The following DPF2 variants were observed in gnomAD, a reference collection of about 807,000 sequenced individuals.
DPF2 encodes zinc finger protein ubi-d4.
In DPF2, 10 loss-of-function variants were observed where a neutral mutation model predicts 59.6. The ratio of observed to expected loss-of-function variants is 0.17; its 90% CI spans 0.10 to 0.28. The LOEUF (loss-of-function observed/expected upper bound fraction) is 0.28, where lower values mean the gene tolerates loss of function less well. DPF2 is among the 10% of genes least tolerant of loss of function. The pLI is 1.00. For synonymous variants in DPF2, 189 were observed against 190.6 expected (o/e 0.99, Z 0.07); for missense variants, 315 against 509.4 (o/e 0.62, Z 3.67).
At position 65,340,840 on chromosome 11, in the gene DPF2, G is replaced by A. The variant is rs1371807327; in HGVS notation, c.194-126G>A. On this transcript the variant is annotated intron_variant, in intron 2 of 10. Coordinates refer to ENST00000528416, the MANE Select transcript of DPF2 (RefSeq NM_006268.5). Reference sequence around the variant, plus strand: ...CAGACTATTCCACCTAACCCCCTAGGCCCTCACTGTCAGAATTTCTCCCTT... The same window carrying A: ...CAGACTATTCCACCTAACCCCCTAGACCCTCACTGTCAGAATTTCTCCCTT... 17 of 972,782 alleles carry A rather than the reference G, an allele frequency of 1.7e-5. No homozygotes were observed. The East Asian group carries it at 1.8e-4, about 11-fold the overall frequency. 60.3% of individuals were successfully genotyped at this position (972,782 alleles called of 1,614,324 possible). A position where few individuals can be genotyped will look rare whatever the true frequency, so the allele number is the denominator to read the frequency against.
chr11:65,341,163 C>T (rs1854358885), intron 3 of DPF2, 90 bp downstream of exon 3: 1 of 1,382,354 alleles, frequency 7.2e-7, no homozygotes, highest in Non-Finnish European at 1.0e-6. Flanking sequence ...AGTACTAGAT[C>T]CCAAATATAC....
At chr11:65,337,502 TATAGAGAG>T (rs1164592173) in intron 1 of DPF2, among the ~76,000 whole-genome samples, 141 of 33,094 alleles carry the variant, frequency 4.3e-3, no homozygotes, top group East Asian at 9.7e-3. Flanking sequence ...TATATATATA[TATAGAGAG>T]AGAGAGAGAG....
At position 65,341,516 on chromosome 11, in the gene DPF2, A is replaced by C. The variant is rs751518020; in HGVS notation, c.419A>C (p.Asp140Ala). The change falls in exon 4 of 11, where the codon GAT (aspartate) becomes GCT (alanine). Residue 140 changes from aspartate to alanine, a missense_variant. By Grantham distance (126) the Asp-to-Ala change is moderately radical. Transcript: ENST00000528416. ...KRGAPDPRVD[D>A]DSLGEFPVTN... ...GGTGCCCCGGATCCCCGAGTTGATG[A>C]TGACAGCCTGGGCGAGTTTCCTGTG... 1 of 1,614,176 alleles carries C rather than the reference A, an allele frequency of 6.2e-7. No individual in the cohort carries two copies. Among genetic ancestry groups the C allele is most frequent in the East Asian group, 2.2e-5 (1 of 44,888 alleles).
At chr11:65,342,134 A>G (rs1251431259) in intron 4 of DPF2, 2 of 152,674 alleles carry the variant, frequency 1.3e-5, no homozygotes, top group Non-Finnish European at 1.5e-5. Context: ...AGGTGCAAGA[A>G]TAGTACAATG....
At chr11:65,350,102 T>G (rs1311826351) in intron 10 of DPF2, among the ~76,000 whole-genome samples, 1 of 152,172 alleles carries the variant, frequency 6.6e-6, no homozygotes, top group African/African-American at 2.4e-5. Context: ...TGTTTTGTTT[T>G]TTTAAACCAT....
intron 6 of DPF2, chr11:65,344,684 C>T (rs2137700998): frequency 6.7e-7 from 1 of 1,492,858 alleles, no homozygotes; most frequent in Non-Finnish European, 9.0e-7. Flanking sequence ...TCCCTTGTTC[C>T]TCCTGCCTTT....
At chr11:65,350,232 C>T (rs1397576889) in intron 10 of DPF2, among the ~76,000 whole-genome samples, 1 of 152,126 alleles carries the variant, frequency 6.6e-6, no homozygotes, top group Non-Finnish European at 1.5e-5. Flanking sequence ...TGAGGGGCAA[C>T]CCCTAGAAGT....
chr11:65,333,900 T>G lies in DPF2; in HGVS notation c.14T>G (p.Val5Gly). The stretch of plus-strand genomic sequence containing the variant: ...GGAACAGGGAAGATGGCGGCTGTGG[T>G]GGAGAATGTAGTGAAGCTGTGAGTG... MAAV[V>G]ENVVKLLGEQ... is the part of the protein sequence containing the mutation. The change falls in exon 1 of 11, where the codon GTG becomes GGG. Residue 5 changes from valine to glycine, a missense_variant. By Grantham distance (109) the Val-to-Gly change is moderately radical. Around this residue, in one of 4 missense-constraint regions of DPF2, gnomAD observed 228 missense variants for 275.3 expected, o/e 0.83. Coordinates refer to ENST00000528416, the MANE Select transcript of DPF2 (RefSeq NM_006268.5). 1.2e-6 allele frequency: 2 copies of G among 1,613,740 alleles called. No homozygotes were observed. Among genetic ancestry groups the G allele is most frequent in the Non-Finnish European group, 1.7e-6 (2 of 1,179,880 alleles).
At chr11:65,342,589 A>G (rs1276026506) in intron 4 of DPF2, among the ~76,000 whole-genome samples, 1 of 152,246 alleles carries the variant, frequency 6.6e-6, no homozygotes, top group Non-Finnish European at 1.5e-5. Flanking sequence ...ACATGTAAAA[A>G]TAACAGCTAT....
At chr11:65,350,304 C>G (rs1854655539) in intron 10 of DPF2, among the ~76,000 whole-genome samples, 1 of 152,014 alleles carries the variant, frequency 6.6e-6, no homozygotes, top group Non-Finnish European at 1.5e-5. Flanking sequence ...CACATCCAGC[C>G]ACAGCCAGCT....
At chr11:65,342,893 A>G (rs1157579307) in intron 4 of DPF2, among the ~76,000 whole-genome samples, 2 of 151,062 alleles carry the variant, frequency 1.3e-5, no homozygotes, top group Non-Finnish European at 2.9e-5. Context: ...GGGCACCTGC[A>G]GTCCCAGCTA....
At chr11:65,345,488 G>A (rs565098048) in intron 6 of DPF2, 178 bp from the exon 7 acceptor site, 22 of 807,940 alleles carry the variant, frequency 2.7e-5, no homozygotes, top group African/African-American at 1.0e-4. Context: ...AGAGCCCCAC[G>A]GCCTGATGCT....
rs1264920680 is a variant in DPF2, at chr11:65,333,876, G to A, written c.-11G>A. ...TGGGGCTTCTCGGCCCGAGGCAGAGGAACAGGGAAGATGGCGGCTGTGGTG... is the reference window on the plus strand; with the variant it reads ...TGGGGCTTCTCGGCCCGAGGCAGAGAAACAGGGAAGATGGCGGCTGTGGTG... On this transcript the variant is annotated 5_prime_UTR_variant, in exon 1 of 11. Transcript: ENST00000528416. 1 of 1,613,954 alleles carries A rather than the reference G, an allele frequency of 6.2e-7. No individual in the cohort carries two copies. Among genetic ancestry groups the A allele is most frequent in the African/African-American group, 1.3e-5 (1 of 75,072 alleles).
intron 6 of DPF2, chr11:65,344,435 G>A: frequency 2.7e-6 from 2 of 728,618 alleles, no homozygotes; most frequent in South Asian, 3.7e-5. Flanking sequence ...CTTTCTGTCT[G>A]CCTTGCCCCA....
intron 1 of DPF2, among the ~76,000 whole-genome samples, chr11:65,334,245 G>A (rs1950066144): frequency 6.6e-6 from 1 of 152,216 alleles, no homozygotes; most frequent in Non-Finnish European, 1.5e-5. Flanking sequence ...CCTCTCCCGA[G>A]ACGCCTCAGT....
intron 1 of DPF2, among the ~76,000 whole-genome samples, chr11:65,338,186 A>T (rs1208318537): frequency 6.6e-6 from 1 of 152,108 alleles, no homozygotes; most frequent in Admixed American, 6.5e-5. Context: ...GTCTCAAGAG[A>T]TCCACCAGCC....
Position 65,341,580 on chromosome 11 carries a change from T to C in DPF2, c.465+18T>C. 1 of 1,610,314 alleles carries C rather than the reference T, an allele frequency of 6.2e-7. No homozygotes were observed. Among genetic ancestry groups the C allele is most frequent in the African/African-American group, 1.3e-5 (1 of 74,966 alleles). On this transcript the variant is annotated intron_variant, in intron 4 of 10. Coordinates refer to ENST00000528416, the MANE Select transcript of DPF2 (RefSeq NM_006268.5). ...CGCGAAAGGTACAGGATTATCCCTG[T>C]GGCTAAGGGAGCTTTGATGGAAATC...
Position 65,348,497 on chromosome 11 carries a change from C to A in DPF2, c.1018-353C>A, listed in dbSNP as rs184014113. On this transcript the variant is annotated intron_variant, in intron 9 of 10. Coordinates refer to ENST00000528416, the MANE Select transcript of DPF2 (RefSeq NM_006268.5). ...TTGAGAGGCTGAGGTAGGAGGATCA[C>A]TTGGGCCCAGGAGGTCAAGGCTGCA... 13 of 198,480 alleles carry A rather than the reference C, an allele frequency of 6.5e-5. No homozygotes were observed. In the Admixed American group the frequency reaches 7.5e-4, roughly 11 times the overall value. The allele number at this position is 198,480 out of a possible 1,614,324, so 12.3% of individuals were successfully genotyped here.
chr11:65,341,843 C>T (rs988089722), intron 4 of DPF2: 4 of 256,528 alleles, frequency 1.6e-5, no homozygotes, highest in African/African-American at 2.2e-5. Context: ...GATGCAGTGG[C>T]TCATGCCTGT....
Sources: gnomAD v4.1 joint callset for allele counts (sites outside exome capture counted in the v4.1 genomes callset) on GRCh38, gnomAD v4.1.1 for gene constraint, gnomAD v4.1.1 regional missense constraint, MANE v1.5 for transcripts, NCBI Gene and HGNC (gene_info 2026-07-23, HGNC 2026-07-21) for gene names.